The following PDE1A variants were observed in gnomAD, a reference collection of about 807,000 sequenced individuals.
PDE1A encodes dual specificity calcium/calmodulin-dependent 3',5'-cyclic nucleotide phosphodiesterase 1A.
In PDE1A, 35 loss-of-function variants were observed where a neutral mutation model predicts 61.7. The observed-to-expected ratio is 0.57, with a 90% CI of 0.43 to 0.75. PDE1A has a LOEUF of 0.75. Ranked by LOEUF, PDE1A falls within the 30% of genes least tolerant of loss-of-function variation. The pLI is 0.00. For missense variants in PDE1A, 597 were observed against 630.6 expected (o/e 0.95, Z 0.57); for synonymous variants, 232 against 213.2 (o/e 1.09, Z -0.77).
intron 1 of PDE1A, among the ~76,000 whole-genome samples, chr2:182,341,057 A>G (rs1385416422): frequency 6.6e-6 from 1 of 152,230 alleles, no homozygotes; most frequent in Non-Finnish European, 1.5e-5. Context: ...CTGAGCATAC[A>G]GGAATTTGGC....
At chr2:182,215,229 C>CACA (rs1329064831) in intron 7 of PDE1A, among the ~76,000 whole-genome samples, 2 of 76,162 alleles carry the variant, frequency 2.6e-5, no homozygotes, top group Admixed American at 1.5e-4. Context: ...AGAACAAAGA[C>CACA]ACAACATACC....
intron 1 of PDE1A, among the ~76,000 whole-genome samples, chr2:182,422,027 C>A (rs542226709): frequency 2.0e-5 from 3 of 152,078 alleles, no homozygotes; most frequent in Non-Finnish European, 4.4e-5. Context: ...TCTGAGAAGA[C>A]GTAAAGAGAA....
chr2:182,267,482 C>A (rs1692720730), intron 1 of PDE1A, among the ~76,000 whole-genome samples: 1 of 150,466 alleles, frequency 6.6e-6, no homozygotes, highest in Non-Finnish European at 1.5e-5. Context: ...ATGCCAACCC[C>A]AAAAGACTGG....
At chr2:182,523,432 C>T (rs989491332), upstream of PDE1A, among the ~76,000 whole-genome samples, 3 of 152,064 alleles carry the variant, frequency 2.0e-5, no homozygotes, top group Non-Finnish European at 1.5e-5. Flanking sequence ...TAACACATGG[C>T]GAGCTTTCTT....
the PDE1A span, among the ~76,000 whole-genome samples, chr2:182,686,007 A>G: frequency 6.6e-6 from 1 of 152,198 alleles, no homozygotes; most frequent in Non-Finnish European, 1.5e-5. Context: ...CTTGATTTGA[A>G]CCAAGTTGAA....
At chr2:182,662,501 A>G in the PDE1A span, among the ~76,000 whole-genome samples, 42 of 152,190 alleles carry the variant, frequency 2.8e-4, 1 homozygote, top group Admixed American at 2.6e-3. Context: ...ACATAGACCA[A>G]TGAAACAGAA....
chr2:182,180,749 C>T (rs918609371), intron 13 of PDE1A, among the ~76,000 whole-genome samples: 1 of 151,898 alleles, frequency 6.6e-6, no homozygotes, highest in African/African-American at 2.4e-5. Flanking sequence ...AGTATCTTCA[C>T]ATAGTCCCAC....
intron 1 of PDE1A, among the ~76,000 whole-genome samples, chr2:182,274,619 C>T (rs1249948292): frequency 1.3e-5 from 2 of 152,036 alleles, no homozygotes; most frequent in Non-Finnish European, 1.5e-5. Flanking sequence ...GAGAAGACAA[C>T]TTTTATTGTG....
chr2:182,469,029 T>C (rs1355357539), intron 2 of PDE1A, among the ~76,000 whole-genome samples: 1 of 151,866 alleles, frequency 6.6e-6, no homozygotes, highest in Non-Finnish European at 1.5e-5. Flanking sequence ...AGAGGCAGAG[T>C]AGATGTAGCA....
At chr2:182,453,512 T>C (rs1051617518) in intron 2 of PDE1A, among the ~76,000 whole-genome samples, 1 of 151,406 alleles carries the variant, frequency 6.6e-6, no homozygotes, top group Non-Finnish European at 1.5e-5. Flanking sequence ...GATGCAAAAA[T>C]CCTCAATAAA....
At chr2:182,480,466 C>T (rs973382853) in intron 2 of PDE1A, among the ~76,000 whole-genome samples, 3 of 151,918 alleles carry the variant, frequency 2.0e-5, no homozygotes, top group Non-Finnish European at 4.4e-5. Flanking sequence ...CCTACTGTAT[C>T]TCTGGGTTCC....
At chr2:182,500,319 G>A (rs956022790) in intron 2 of PDE1A, among the ~76,000 whole-genome samples, 1 of 152,032 alleles carries the variant, frequency 6.6e-6, no homozygotes, top group African/African-American at 2.4e-5. Flanking sequence ...TTGGGAGGAG[G>A]GTCAGTCAGG....
upstream of PDE1A, among the ~76,000 whole-genome samples, chr2:182,523,729 G>A (rs540718673): frequency 4.6e-5 from 7 of 152,220 alleles, no homozygotes; most frequent in South Asian, 1.5e-3. Flanking sequence ...AGATGCCTGT[G>A]AGATAGGCAA....
At chr2:182,530,558 A>T in the PDE1A span, among the ~76,000 whole-genome samples, 1 of 152,178 alleles carries the variant, frequency 6.6e-6, no homozygotes, top group Non-Finnish European at 1.5e-5. Flanking sequence ...ATAGAGAAAA[A>T]ACATTTACAG....
At chr2:182,569,771 A>G in the PDE1A span, among the ~76,000 whole-genome samples, 3 of 152,216 alleles carry the variant, frequency 2.0e-5, no homozygotes, top group East Asian at 5.8e-4. Flanking sequence ...ATCTTCTGCC[A>G]TTTTTATTTG....
At chr2:182,686,016 A>C in the PDE1A span, among the ~76,000 whole-genome samples, 42 of 152,226 alleles carry the variant, frequency 2.8e-4, no homozygotes, top group Admixed American at 7.2e-4. Context: ...AACCAAGTTG[A>C]ACAGGCTTAA....
the PDE1A span, among the ~76,000 whole-genome samples, chr2:182,660,856 G>T: frequency 6.6e-6 from 1 of 152,238 alleles, no homozygotes; most frequent in Non-Finnish European, 1.5e-5. Context: ...CAAACAGAGA[G>T]TTCAGCTAAC....
intron 10 of PDE1A, among the ~76,000 whole-genome samples, chr2:182,195,491 T>C (rs771035315): frequency 2.6e-5 from 4 of 152,100 alleles, no homozygotes; most frequent in Non-Finnish European, 5.9e-5. Flanking sequence ...TTTGCATTAT[T>C]AGGCTTCTTA....
At chr2:182,307,708 T>C (rs1263136332) in intron 1 of PDE1A, among the ~76,000 whole-genome samples, 1 of 151,778 alleles carries the variant, frequency 6.6e-6, no homozygotes, top group African/African-American at 2.4e-5. Context: ...ATCCCATCTC[T>C]ACCAAAAAAA....
Sources: gnomAD v4.1 joint callset for allele counts (sites outside exome capture counted in the v4.1 genomes callset) on GRCh38, gnomAD v4.1.1 for gene constraint, MANE v1.5 for transcripts, NCBI Gene and HGNC (gene_info 2026-07-23, HGNC 2026-07-21) for gene names.